Variants in ZNG1F observed in about 807,000 individuals in gnomAD.
ZNG1F encodes zinc-regulated GTPase metalloprotein activator 1F.
At chr9:41,163,722 TGTCA>T in the ZNG1F span, among the ~76,000 whole-genome samples, 1 of 28,494 alleles carries the variant, frequency 3.5e-5, no homozygotes, top group Non-Finnish European at 7.5e-5. Context: ...ACTTACTATG[TGTCA>T]GCACTGTGCA....
the ZNG1F span, among the ~76,000 whole-genome samples, chr9:41,203,314 C>A: frequency 6.6e-6 from 1 of 152,178 alleles, no homozygotes; most frequent in African/African-American, 2.4e-5. Flanking sequence ...ATCCATTATT[C>A]TTTTTCAAAA....
chr9:41,177,720 GA>G, the ZNG1F span: 24 of 116,262 alleles, frequency 2.1e-4, no homozygotes, highest in Non-Finnish European at 2.6e-4. Flanking sequence ...AGTTGAGGGG[GA>G]AAAAAGTGTG....
chr9:41,150,096 C>T, the ZNG1F span, among the ~76,000 whole-genome samples: 5 of 48,800 alleles, frequency 1.0e-4, 2 homozygotes, highest in Non-Finnish European at 2.8e-4. Context: ...GGACAGTGGG[C>T]GCAGGTCAGT....
chr9:41,138,915 G>T, the ZNG1F span, among the ~76,000 whole-genome samples: 1 of 134,016 alleles, frequency 7.5e-6, no homozygotes, highest in African/African-American at 3.0e-5. Flanking sequence ...CCTTACATTG[G>T]GCTTCACCTT....
the ZNG1F span, chr9:41,132,051 C>G: frequency 2.1e-6 from 3 of 1,456,734 alleles, no homozygotes; most frequent in Non-Finnish European, 2.7e-6. Context: ...TGAAGAAGAA[C>G]AAAAGTCCTA....
chr9:41,134,092 G>C, the ZNG1F span: 1 of 265,596 alleles, frequency 3.8e-6, no homozygotes, highest in Non-Finnish European at 7.1e-6. Flanking sequence ...TCACTATACA[G>C]GGCCAGGTAC....
At chr9:41,177,323 G>C in the ZNG1F span, 1 of 151,314 alleles carries the variant, frequency 6.6e-6, no homozygotes, top group African/African-American at 2.4e-5. Context: ...ATAATTTAGG[G>C]AAAAATGATT....
At chr9:41,132,173 C>G in the ZNG1F span, 1 of 1,580,200 alleles carries the variant, frequency 6.3e-7, no homozygotes, top group Admixed American at 1.8e-5. Context: ...ACATGATATC[C>G]CTTTCAAATA....
chr9:41,165,201 T>C, the ZNG1F span: 3 of 902,486 alleles, frequency 3.3e-6, 1 homozygote, highest in Non-Finnish European at 4.6e-6. Flanking sequence ...AAACACCTCA[T>C]GTAGATCAAT....
At chr9:41,187,703 G>C in the ZNG1F span, among the ~76,000 whole-genome samples, 2 of 135,976 alleles carry the variant, frequency 1.5e-5, no homozygotes, top group South Asian at 2.5e-4. Context: ...GGATTTGGGG[G>C]GATGGTAACA....
At chr9:41,150,265 G>C in the ZNG1F span, among the ~76,000 whole-genome samples, 7 of 149,720 alleles carry the variant, frequency 4.7e-5, 1 homozygote, top group East Asian at 1.2e-3. Flanking sequence ...CTTTTCTGAC[G>C]GGCTTAAAAA....
At chr9:41,158,895 G>A in the ZNG1F span, 93 of 129,332 alleles carry the variant, frequency 7.2e-4, 1 homozygote, top group African/African-American at 2.3e-3. Context: ...GGAAAAAAAA[G>A]ACCATTACCA....
chr9:41,154,749 T>C, the ZNG1F span, among the ~76,000 whole-genome samples: 1 of 150,110 alleles, frequency 6.7e-6, no homozygotes, highest in Non-Finnish European at 1.5e-5. Context: ...AAACAAGCAG[T>C]GGGGAAAGAT....
chr9:41,154,660 T>C, the ZNG1F span, among the ~76,000 whole-genome samples: 6 of 147,684 alleles, frequency 4.1e-5, 1 homozygote, highest in East Asian at 8.1e-4. Context: ...AACAGAGATA[T>C]AGATCAATGG....
the ZNG1F span, chr9:41,165,107 G>T: frequency 6.4e-7 from 1 of 1,554,770 alleles, no homozygotes; most frequent in Non-Finnish European, 8.7e-7. Flanking sequence ...CAAACAAAAA[G>T]AAATGTTAAG....
chr9:41,166,259 T>C, the ZNG1F span, among the ~76,000 whole-genome samples: 2 of 136,054 alleles, frequency 1.5e-5, no homozygotes, highest in East Asian at 2.2e-4. Context: ...ATAAAATAAA[T>C]AAAATAAAAA....
At chr9:41,141,215 C>A in the ZNG1F span, among the ~76,000 whole-genome samples, 5 of 151,428 alleles carry the variant, frequency 3.3e-5, no homozygotes, top group Non-Finnish European at 5.9e-5. Context: ...TTAGAAAAAC[C>A]CTGAAAAAAT....
At chr9:41,179,011 C>T in the ZNG1F span, among the ~76,000 whole-genome samples, 1 of 85,024 alleles carries the variant, frequency 1.2e-5, no homozygotes, top group Non-Finnish European at 2.4e-5. Context: ...CAGCTGGTGA[C>T]TTCAAGTTGA....
At chr9:41,144,203 T>C in the ZNG1F span, among the ~76,000 whole-genome samples, 1 of 38,202 alleles carries the variant, frequency 2.6e-5, no homozygotes, top group Non-Finnish European at 7.8e-5. Flanking sequence ...ACTGCCACAA[T>C]AGGGGTTCAT....
Sources: allele counts gnomAD v4.1 joint callset (sites outside exome capture counted in the v4.1 genomes callset), GRCh38; gene constraint gnomAD v4.1.1; transcripts MANE v1.5; gene names NCBI Gene and HGNC (gene_info 2026-07-23, HGNC 2026-07-21).